The following GLG1 variants were observed in gnomAD, a reference collection of about 807,000 sequenced individuals.
GLG1 encodes the protein Golgi apparatus protein 1.
A neutral mutation model predicts 160.5 loss-of-function variants in GLG1; 38 were observed. The observed-to-expected ratio is 0.24, with a 90% confidence interval of 0.18 to 0.31. GLG1 has a LOEUF of 0.31. Among genes scored for constraint, GLG1 ranks in the 10% least tolerant of loss-of-function variants. The pLI is 1.00. For missense variants in GLG1, 1,373 were observed against 1,505.2 expected (o/e 0.91, Z 1.45); for synonymous variants, 644 against 543.4 (o/e 1.19, Z -2.57).
intron 2 of GLG1, among the ~76,000 whole-genome samples, chr16:74,526,600 T>C (rs542151490): frequency 6.1e-4 from 93 of 151,986 alleles, no homozygotes; most frequent in African/African-American, 1.5e-3. Flanking sequence ...GGTGTGCATC[T>C]GTAGTCCCAG....
At chr16:74,582,252 T>G (rs978428217) in intron 1 of GLG1, among the ~76,000 whole-genome samples, 2 of 152,072 alleles carry the variant, frequency 1.3e-5, no homozygotes, top group African/African-American at 4.8e-5. Context: ...CTGCAACCTC[T>G]GCCTCCCAGG....
In GLG1 at chr16:74,452,234, C is replaced by T. The variant is rs1420738552; in HGVS notation, c.*933G>A. On this transcript the variant is annotated 3_prime_UTR_variant, in exon 26 of 26. Coordinates refer to ENST00000422840, the MANE Select transcript of GLG1 (RefSeq NM_001145667.2). Reference sequence around the variant, plus strand: ...ACCCCTCCCGCCACAGTCCTGCCTCCTGATGAAGCGCAGAGCTTCCAGAGT... The same window carrying T: ...ACCCCTCCCGCCACAGTCCTGCCTCTTGATGAAGCGCAGAGCTTCCAGAGT... The T allele has an allele frequency of 7.8e-6, 12 of 1,537,870 alleles. No individual in the cohort carries two copies. Among genetic ancestry groups the T allele is most frequent in the Non-Finnish European group, 1.0e-5 (12 of 1,142,864 alleles).
intron 24 of GLG1, 27 bp downstream of exon 24, chr16:74,457,846 AG>A (rs756312563): frequency 6.2e-7 from 1 of 1,609,286 alleles, no homozygotes; most frequent in South Asian, 1.1e-5. Context: ...GAGTTCAGAC[AG>A]GATCAAGAGT....
At chr16:74,576,435 T>G (rs2019006472) in intron 1 of GLG1, among the ~76,000 whole-genome samples, 1 of 152,238 alleles carries the variant, frequency 6.6e-6, no homozygotes, top group Non-Finnish European at 1.5e-5. Context: ...TATTATAGTC[T>G]AAGACACGTG....
intron 5 of GLG1, 51 bp downstream of exon 5, chr16:74,496,390 T>C: frequency 8.3e-7 from 1 of 1,198,388 alleles, no homozygotes; most frequent in South Asian, 1.3e-5. Context: ...AACAAAATTA[T>C]ATATGTGTAA....
At chr16:74,473,203 T>TA (rs2015268624) in intron 13 of GLG1, among the ~76,000 whole-genome samples, 1 of 151,960 alleles carries the variant, frequency 6.6e-6, no homozygotes, top group Non-Finnish European at 1.5e-5. Flanking sequence ...TGAGGGTTTC[T>TA]AATCCCCCTT....
chr16:74,498,511 C>A (rs2016294761), intron 4 of GLG1, among the ~76,000 whole-genome samples: 1 of 118,054 alleles, frequency 8.5e-6, no homozygotes, highest in African/African-American at 3.1e-5. Context: ...ATCATTTATA[C>A]ACACGCAATT....
chr16:74,538,033 A>AT (rs2017733451), intron 1 of GLG1, among the ~76,000 whole-genome samples: 4 of 151,534 alleles, frequency 2.6e-5, no homozygotes, highest in African/African-American at 9.7e-5. Context: ...AATGCTTGGG[A>AT]GTTGGATGTT....
chr16:74,596,665 A>AC (rs1958310050), intron 1 of GLG1, among the ~76,000 whole-genome samples: 1 of 152,244 alleles, frequency 6.6e-6, no homozygotes, highest in Non-Finnish European at 1.5e-5. Flanking sequence ...GCTGATGACT[A>AC]CCACAGTAGA....
chr16:74,603,345 G>A (rs901591294), intron 1 of GLG1, among the ~76,000 whole-genome samples: 1 of 150,066 alleles, frequency 6.7e-6, no homozygotes, highest in African/African-American at 2.5e-5. Flanking sequence ...GGGAGTCAGA[G>A]GTTGCAGTGA....
chr16:74,526,179 G>A (rs2017326370), intron 2 of GLG1, among the ~76,000 whole-genome samples: 1 of 151,724 alleles, frequency 6.6e-6, no homozygotes, highest in African/African-American at 2.4e-5. Context: ...TAACATAATG[G>A]AAGGTCATTG....
intron 1 of GLG1, among the ~76,000 whole-genome samples, chr16:74,570,985 G>C (rs944586112): frequency 1.3e-5 from 2 of 151,150 alleles, no homozygotes; most frequent in Admixed American, 6.6e-5. Context: ...CACCTCACTT[G>C]GCACTTTAAC....
intron 2 of GLG1, among the ~76,000 whole-genome samples, chr16:74,512,736 G>C (rs546758988): frequency 6.6e-6 from 1 of 151,890 alleles, no homozygotes; most frequent in East Asian, 1.9e-4. Context: ...ACCACAGGAG[G>C]ACAAAAGAAG....
chr16:74,570,518 A>AT (rs5817916), intron 1 of GLG1, among the ~76,000 whole-genome samples: 111,394 of 151,998 alleles, frequency 0.73, 41,299 homozygotes, highest in African/African-American at 0.84. Context: ...ACTGTGATGG[A>AT]TTTTTTCAAG....
In GLG1 at chr16:74,462,367, T is replaced by C. The variant is rs1332918613; in HGVS notation, c.2934+121A>G. ...TGATCTGGCCCCTTAGCCCCCCAGG[T>C]TCGGGAAGATATGAAAAAGGTCTTG... On this transcript the variant is annotated intron_variant, in intron 21 of 25. Transcript: ENST00000422840. 1.3e-5 allele frequency: 12 copies of C among 959,660 alleles called. No individual in the cohort carries two copies. In the East Asian group the frequency reaches 2.9e-4, roughly 23 times the overall value. The allele number at this position is 959,660 out of a possible 1,614,324, so 59.4% of individuals were successfully genotyped here.
intron 1 of GLG1, among the ~76,000 whole-genome samples, chr16:74,561,376 TA>T: frequency 6.6e-6 from 1 of 152,326 alleles, no homozygotes; most frequent in East Asian, 1.9e-4. Flanking sequence ...TACAACCAAG[TA>T]AAATCCTAGA....
At chr16:74,457,244 A>G (rs1309465143) in intron 24 of GLG1, among the ~76,000 whole-genome samples, 1 of 152,174 alleles carries the variant, frequency 6.6e-6, no homozygotes, top group Admixed American at 6.5e-5. Flanking sequence ...AAAAAATACA[A>G]AAATGAGCCA....
intron 22 of GLG1, among the ~76,000 whole-genome samples, chr16:74,460,290 G>T (rs2014737861): frequency 6.6e-6 from 1 of 152,166 alleles, no homozygotes; most frequent in Non-Finnish European, 1.5e-5. Context: ...AAAGGGCTGG[G>T]ATTACAGGGC....
At chr16:74,572,689 T>C (rs1488905653) in intron 1 of GLG1, among the ~76,000 whole-genome samples, 1 of 152,208 alleles carries the variant, frequency 6.6e-6, no homozygotes, top group Non-Finnish European at 1.5e-5. Flanking sequence ...TGGCTGTTCA[T>C]CTGTGTCCTT....
Sources: allele counts gnomAD v4.1 joint callset (sites outside exome capture counted in the v4.1 genomes callset), GRCh38; gene constraint gnomAD v4.1.1; transcripts MANE v1.5; gene names NCBI Gene and HGNC (gene_info 2026-07-23, HGNC 2026-07-21).